TMED5: variants seen among roughly 807,000 people sequenced by gnomAD.
TMED5 encodes transmembrane p24 trafficking protein 5, also known as transmembrane emp24 domain-containing protein 5.
A neutral mutation model predicts 23.0 loss-of-function variants in TMED5; 27 were observed. That is an observed-to-expected ratio of 1.17 (90% confidence interval 0.86 to 1.62). The LOEUF (loss-of-function observed/expected upper bound fraction) is 1.62, where lower values mean the gene tolerates loss of function less well. Among genes scored for constraint, TMED5 ranks in the 40% most tolerant of loss-of-function variants. The pLI, the probability that TMED5 is intolerant of heterozygous loss-of-function variation, is 0.00. For synonymous variants in TMED5, 97 were observed against 100.8 expected (o/e 0.96, Z 0.23); for missense variants, 248 against 273.7 (o/e 0.91, Z 0.66).
intron 1 of TMED5, among the ~76,000 whole-genome samples, chr1:93,171,769 A>C (rs142736357): frequency 5.1e-4 from 77 of 152,376 alleles, no homozygotes; most frequent in African/African-American, 1.7e-3. Flanking sequence ...TGGAAACTAC[A>C]TACCAGTATC....
chr1:93,170,860 C>T (rs978803064), intron 1 of TMED5, among the ~76,000 whole-genome samples: 11 of 152,196 alleles, frequency 7.2e-5, no homozygotes, highest in Non-Finnish European at 2.9e-5. Context: ...ATTGTAAACA[C>T]ATCAATCAGC....
At chr1:93,156,899 G>A (rs1056679499) in intron 2 of TMED5, among the ~76,000 whole-genome samples, 20 of 150,960 alleles carry the variant, frequency 1.3e-4, no homozygotes, top group African/African-American at 4.9e-4. Flanking sequence ...AATTTCCTTA[G>A]TATTGAAAGA....
chr1:93,180,005 C>T, intron 1 of TMED5, 49 bp downstream of exon 1: 2 of 1,563,140 alleles, frequency 1.3e-6, no homozygotes, highest in South Asian at 1.1e-5. Context: ...GGCGACAACG[C>T]AGTGCAGCTG....
chr1:93,157,897 G>C (rs1361924621), intron 2 of TMED5, among the ~76,000 whole-genome samples: 1 of 152,156 alleles, frequency 6.6e-6, no homozygotes, highest in Non-Finnish European at 1.5e-5. Context: ...GGCCGAGGCA[G>C]GCAGATCACG....
chr1:93,180,042 C>T lies in TMED5; in HGVS notation c.189+12G>A, dbSNP rs1649253480. 1.2e-6 allele frequency: 2 copies of T among 1,610,862 alleles called. No homozygotes were observed. Among genetic ancestry groups the T allele is most frequent in the Admixed American group, 3.4e-5 (2 of 59,398 alleles). Reference sequence around the variant, plus strand: ...GTTAAAGGAAGGAGGCTGGTTTATCCTCCGCACTTACTTGGTACTCGATCT... The same window carrying T: ...GTTAAAGGAAGGAGGCTGGTTTATCTTCCGCACTTACTTGGTACTCGATCT... On this transcript the variant is annotated intron_variant, in intron 1 of 3. Coordinates refer to ENST00000370282, the MANE Select transcript of TMED5 (RefSeq NM_016040.5).
At chr1:93,168,931 A>G (rs572331751) in intron 1 of TMED5, among the ~76,000 whole-genome samples, 3 of 152,330 alleles carry the variant, frequency 2.0e-5, no homozygotes, top group South Asian at 2.1e-4. Context: ...CCTAACAACA[A>G]TGTATCAAAA....
rs189214802 is a variant in TMED5, at chr1:93,180,333, G to A, written c.-91C>T. Reference sequence around the variant, plus strand: ...CTCTGGACTCCTCGTGGTTGACAGGGAAATCTGGAGTCTGAAGAAACTCCA... The same window carrying A: ...CTCTGGACTCCTCGTGGTTGACAGGAAAATCTGGAGTCTGAAGAAACTCCA... On this transcript the variant is annotated 5_prime_UTR_variant, in exon 1 of 4. Transcript: ENST00000370282. 231 of 1,423,932 alleles carry A rather than the reference G, an allele frequency of 1.6e-4. No homozygotes were observed. The East Asian group carries it at 4.1e-3, about 25-fold the overall frequency. 88.2% of individuals were successfully genotyped at this position (1,423,932 alleles called of 1,614,324 possible).
At chr1:93,167,338 G>C (rs751030138) in intron 1 of TMED5, among the ~76,000 whole-genome samples, 1 of 152,142 alleles carries the variant, frequency 6.6e-6, no homozygotes, top group Non-Finnish European at 1.5e-5. Flanking sequence ...CACTGAATCT[G>C]TAGATTGCTT....
chr1:93,163,457 G>A (rs896171933), intron 1 of TMED5, among the ~76,000 whole-genome samples: 4 of 150,590 alleles, frequency 2.7e-5, no homozygotes, highest in African/African-American at 7.3e-5. Context: ...TGATTCTCCC[G>A]CCTCAGTGTC....
intron 1 of TMED5, chr1:93,163,243 CAAAGTT>C (rs1388080489): frequency 2.7e-5 from 4 of 150,632 alleles, no homozygotes; most frequent in African/African-American, 9.8e-5. Flanking sequence ...TTCAGTAAAA[CAAAGTT>C]AAAAAGCAGT....
At position 93,150,191 on chromosome 1, in the gene TMED5, G is replaced by A. The variant is rs532255129; in HGVS notation, c.*4479C>T. Reference sequence around the variant, plus strand: ...CCATCTCTATAGCTTTATTATTTAAGAATGTTACAAAAACAGAATCATACA... The same window carrying A: ...CCATCTCTATAGCTTTATTATTTAAAAATGTTACAAAAACAGAATCATACA... On this transcript the variant is annotated 3_prime_UTR_variant, in exon 4 of 4. Transcript: ENST00000370282. 1.3e-5 allele frequency: 2 copies of A among 152,212 alleles called. No individual in the cohort carries two copies. The highest frequency in any genetic ancestry group is 4.1e-4 in the South Asian group (2 of 4,824). The allele number at this position is 152,212 out of a possible 1,614,324, so 9.4% of individuals were successfully genotyped here.
chr1:93,179,938 C>T, intron 1 of TMED5, 116 bp downstream of exon 1: 3 of 1,155,204 alleles, frequency 2.6e-6, no homozygotes, highest in Non-Finnish European at 3.6e-6. Flanking sequence ...GCTTCCTGAA[C>T]GGCCCTCGCC....
intron 1 of TMED5, among the ~76,000 whole-genome samples, chr1:93,168,791 C>T (rs1022616979): frequency 7.9e-5 from 12 of 152,170 alleles, no homozygotes. Context: ...GCTGAGATGG[C>T]ACCACTGCAC....
intron 1 of TMED5, among the ~76,000 whole-genome samples, chr1:93,175,732 T>C (rs1648890557): frequency 6.6e-6 from 1 of 152,128 alleles, no homozygotes; most frequent in East Asian, 1.9e-4. Flanking sequence ...TAAAAATTGA[T>C]ATAGCTATAT....
In TMED5 at chr1:93,175,462, ATGTG is replaced by A. The variant is rs1376350440; in HGVS notation, c.189+4588_189+4591del. 4.7e-5 allele frequency among the ~76,000 whole-genome samples: 7 copies of A among 149,616 alleles called. No homozygotes were observed. The East Asian group carries it at 5.8e-4, about 12-fold the overall frequency. ...TAAAATGTGTGTATATATAATAGAT[ATGTG>A]TGTGTATGTATATAAAACAAAAAAT... On this transcript the variant is annotated intron_variant, in intron 1 of 3. Transcript: ENST00000370282.
chr1:93,176,261 C>T (rs1381053836), intron 1 of TMED5, among the ~76,000 whole-genome samples: 1 of 152,040 alleles, frequency 6.6e-6, no homozygotes, highest in Non-Finnish European at 1.5e-5. Context: ...TATCTTGGCA[C>T]GTTGTTGTTC....
At position 93,151,874 on chromosome 1, in the gene TMED5, T is replaced by C. The variant is rs892501574; in HGVS notation, c.*2796A>G. The stretch of plus-strand genomic sequence containing the variant: ...ATTTTCTTTGATAATTTTTATTATA[T>C]ACATATCAGTACTCACAATACGTTG... On this transcript the variant is annotated 3_prime_UTR_variant, in exon 4 of 4. Coordinates refer to ENST00000370282, the MANE Select transcript of TMED5 (RefSeq NM_016040.5). The C allele has an allele frequency of 2.6e-5, 4 of 152,232 alleles. No individual in the cohort carries two copies. Among genetic ancestry groups the C allele is most frequent in the African/African-American group, 7.2e-5 (3 of 41,462 alleles). 9.4% of individuals were successfully genotyped at this position (152,232 alleles called of 1,614,324 possible).
chr1:93,161,367 T>C (rs1431744279), intron 1 of TMED5: 1 of 152,210 alleles, frequency 6.6e-6, no homozygotes, highest in Non-Finnish European at 1.5e-5. Context: ...AAATTTGAAC[T>C]CAGCAATCTG....
chr1:93,169,746 G>A (rs1003152167), intron 1 of TMED5, among the ~76,000 whole-genome samples: 5 of 152,046 alleles, frequency 3.3e-5, no homozygotes, highest in African/African-American at 1.2e-4. Context: ...ATTATCTATG[G>A]ACATTAAAAA....
Sources: allele counts gnomAD v4.1 joint callset (sites outside exome capture counted in the v4.1 genomes callset), GRCh38; gene constraint gnomAD v4.1.1; transcripts MANE v1.5; gene names NCBI Gene and HGNC (gene_info 2026-07-23, HGNC 2026-07-21).